SCNN1D: variants seen among roughly 807,000 people sequenced by gnomAD.
SCNN1D encodes epithelial sodium channel subunit delta.
A neutral mutation model predicts 87.8 loss-of-function variants in SCNN1D; 104 were observed. The ratio of observed to expected loss-of-function variants is 1.18; its 90% CI spans 1.01 to 1.39. The LOEUF (loss-of-function observed/expected upper bound fraction) is 1.39, where lower values mean the gene tolerates loss of function less well. Ranked by LOEUF, SCNN1D falls within the 40% of genes most tolerant of loss-of-function variation. SCNN1D has a pLI of 0.00. For synonymous variants in SCNN1D, 628 were observed against 481.2 expected, an observed-to-expected ratio of 1.31 and a Z score of -3.99; for missense variants, 1,324 against 1,093.9, an observed-to-expected ratio of 1.21 and a Z score of -2.97.
intron 9 of SCNN1D, 52 bp downstream of exon 9, chr1:1,287,351 G>T: frequency 6.6e-7 from 1 of 1,513,056 alleles, no homozygotes. Context: ...ACAGAGCGTG[G>T]CCGCACCCCT....
intron 5 of SCNN1D, among the ~76,000 whole-genome samples, chr1:1,285,197 C>T (rs984462681): frequency 6.6e-5 from 10 of 152,242 alleles, no homozygotes; most frequent in Non-Finnish European, 1.5e-4. Flanking sequence ...GCTCTAGCAC[C>T]TCCCCAGAGT....
rs1472400346 is a variant in SCNN1D at position 1,291,541 on chromosome 1, G to A, written c.2340G>A (p.Gly780=). ...ATCTCCCACGGGTGATGCTTCCAGG[G>A]GTTCTGGCGGGAGTCTCAGCCGAAG... ...GPHLPRVMLP[G]VLAGVSAEES... The change falls in exon 18 of 18, where the codon GGG becomes GGA. Residue 780 remains glycine (G), a synonymous_variant. Coordinates refer to ENST00000379116, the MANE Select transcript of SCNN1D (RefSeq NM_001130413.4). The A allele has an allele frequency of 2.5e-6, 4 of 1,597,216 alleles. No homozygotes were observed. The highest frequency in any genetic ancestry group is 2.2e-5 in the East Asian group (1 of 44,460).
At chr1:1,284,399 G>A (rs1034098340) in intron 5 of SCNN1D, among the ~76,000 whole-genome samples, 2 of 151,184 alleles carry the variant, frequency 1.3e-5, no homozygotes, top group African/African-American at 4.9e-5. Context: ...CCGATGCCTG[G>A]CCCCGTGTGC....
Position 1,290,086 on chromosome 1 carries a change from T to C in SCNN1D, c.1663-185T>C, listed in dbSNP as rs867104070. Among the ~76,000 whole-genome samples, 257 of 67,932 alleles carry C rather than the reference T, an allele frequency of 3.8e-3. 1 individual carries two copies. The highest frequency in any genetic ancestry group is 0.018 in the Middle Eastern group (2 of 114). The allele number at this position is 67,932 out of a possible 152,430, so 44.6% of individuals were successfully genotyped here. Reference sequence around the variant, plus strand: ...TCTCTGCTCCGTCCCGTGTCTCTGCTCCGTCCCGTGTCTCTGCTCCGTCCC... The same window carrying C: ...TCTCTGCTCCGTCCCGTGTCTCTGCCCCGTCCCGTGTCTCTGCTCCGTCCC... On this transcript the variant is annotated intron_variant, in intron 12 of 17. Coordinates refer to ENST00000379116, the MANE Select transcript of SCNN1D (RefSeq NM_001130413.4).
chr1:1,286,888 C>A lies in SCNN1D; in HGVS notation c.1032C>A (p.Arg344=). Residue 344 remains arginine, a synonymous_variant, in exon 8 of 18, where the codon CGC becomes CGA. Coordinates refer to ENST00000379116, the MANE Select transcript of SCNN1D (RefSeq NM_001130413.4). ...CCGCCCTCTCCGCCACTGTCCCCCG[C>A]CACGAGCCCCCCTTCCACCTGGACC... The part of the protein sequence containing the change: ...GRAALSATVP[R]HEPPFHLDRE... 1 of 1,612,622 alleles carries A rather than the reference C, an allele frequency of 6.2e-7. No homozygotes were observed. Among genetic ancestry groups the A allele is most frequent in the Non-Finnish European group, 8.5e-7 (1 of 1,179,902 alleles).
Position 1,285,674 on chromosome 1 carries a change from G to T in SCNN1D, c.558+10G>T, listed in dbSNP as rs548402146. The T allele has an allele frequency of 3.0e-3, 4,533 of 1,527,902 alleles. 139 individuals carry two copies. The African/African-American group carries it at 0.057, about 19-fold the overall frequency. The allele number at this position is 1,527,902 out of a possible 1,614,324, so 94.6% of individuals were successfully genotyped here. Reference sequence around the variant, plus strand: ...CTGCAAACAGGGCCAGGTAGGGCCTGAGCACCCTGTTCTCTGAGTCCTGCT... The same window carrying T: ...CTGCAAACAGGGCCAGGTAGGGCCTTAGCACCCTGTTCTCTGAGTCCTGCT... On this transcript the variant is annotated intron_variant, in intron 6 of 17. Transcript: ENST00000379116.
chr1:1,283,831 G>A (rs1268108846), intron 4 of SCNN1D, 147 bp from the exon 5 acceptor site: 5 of 448,576 alleles, frequency 1.1e-5, no homozygotes, highest in Non-Finnish European at 2.0e-5. Context: ...GCAGGGCTCA[G>A]GATGGGAAAG....
At position 1,291,363 on chromosome 1, in the gene SCNN1D, C is replaced by T. The variant is rs1393272597; in HGVS notation, c.2162C>T (p.Thr721Ile). 1 of 1,608,734 alleles carries T rather than the reference C, an allele frequency of 6.2e-7. No homozygotes were observed. Among genetic ancestry groups the T allele is most frequent in the Admixed American group, 1.7e-5 (1 of 59,582 alleles). The change falls in exon 18 of 18, where the codon ACC becomes ATC. Residue 721 changes from threonine to isoleucine, a missense_variant. By Grantham distance (89) the Thr-to-Ile change is moderately conservative. Coordinates refer to ENST00000379116, the MANE Select transcript of SCNN1D (RefSeq NM_001130413.4). ...CTGCTGCTCGATGCTTCTGCCCTCA[C>T]CCTGGTGCTAGGCGGCCGCCGGCTC... ...LELLLDASAL[T>I]LVLGGRRLRR...
chr1:1,286,166 C>A lies in SCNN1D; in HGVS notation c.799C>A (p.Leu267Met). The A allele has an allele frequency of 6.2e-7, 1 of 1,607,094 alleles. No individual in the cohort carries two copies. Among genetic ancestry groups the A allele is most frequent in the Non-Finnish European group, 8.5e-7 (1 of 1,179,008 alleles). The change falls in exon 7 of 18, where the codon CTG becomes ATG. Residue 267 changes from leucine to methionine, a missense_variant. By Grantham distance (15) the Leu-to-Met change is conservative (BLOSUM62 2). Transcript: ENST00000379116. ...LGALVALCWQ[L>M]GLLFERHWHR... is the part of the protein sequence containing the mutation. The stretch of plus-strand genomic sequence containing the variant: ...AGCCCTGGTCGCGCTCTGCTGGCAG[C>A]TGGGGCTCCTCTTTGAGCGTCACTG...
rs1640800403 is a variant in SCNN1D at position 1,291,149 on chromosome 1, T to C, written c.2052+9T>C. The C allele has an allele frequency of 6.2e-7, 1 of 1,610,726 alleles. No individual in the cohort carries two copies. Among genetic ancestry groups the C allele is most frequent in the Non-Finnish European group, 8.5e-7 (1 of 1,179,074 alleles). On this transcript the variant is annotated intron_variant, in intron 17 of 17. Transcript: ENST00000379116. The stretch of plus-strand genomic sequence containing the variant: ...AGGCGCCCGTGTACTCGGTGAGCCT[T>C]GGCCCCCTGCCTGGGCTAGAGCGGG...
chr1:1,281,656 G>A lies in SCNN1D; in HGVS notation c.277+46G>A, dbSNP rs548255847. On this transcript the variant is annotated intron_variant, in intron 3 of 17. Coordinates refer to ENST00000379116, the MANE Select transcript of SCNN1D (RefSeq NM_001130413.4). ...AGAGGCCTTGCCCGGGAGGAGGGGAGGGGGGTGGAGCCGGGAGCTGCGTGA... is the reference window on the plus strand; with the variant it reads ...AGAGGCCTTGCCCGGGAGGAGGGGAAGGGGGTGGAGCCGGGAGCTGCGTGA... The A allele has an allele frequency of 3.3e-6, 5 of 1,493,704 alleles. No individual in the cohort carries two copies. In the Admixed American group the frequency reaches 8.1e-5, roughly 24 times the overall value. 92.5% of individuals were successfully genotyped at this position (1,493,704 alleles called of 1,614,324 possible). A position where few individuals can be genotyped will look rare whatever the true frequency, so the allele number is the denominator to read the frequency against.
chr1:1,288,064 G>T, intron 12 of SCNN1D, 27 bp downstream of exon 12: 50 of 1,489,216 alleles, frequency 3.4e-5, no homozygotes, highest in South Asian at 9.0e-5. Context: ...AGGGGGTGCG[G>T]GGGCAGGTGA....
At chr1:1,283,156 G>C (rs1004968529) in intron 4 of SCNN1D, among the ~76,000 whole-genome samples, 11 of 152,192 alleles carry the variant, frequency 7.2e-5, no homozygotes, top group African/African-American at 2.7e-4. Context: ...GGTGTGGTTG[G>C]TGGCAGCTAT....
In SCNN1D at chr1:1,287,516, G is replaced by A. The variant is rs762804170; in HGVS notation, c.1319G>A (p.Arg440Gln). Residue 440 changes from arginine (R) to glutamine (Q), a missense_variant, in exon 10 of 18, where the codon CGG becomes CAG. Coordinates refer to ENST00000379116, the MANE Select transcript of SCNN1D (RefSeq NM_001130413.4). ...TTGGCTTCTCATTCCAGACAGTTCC[G>A]GACCTTCCACCACCCCACCTACGGC... ...DGLDCQARQFRTFHHPTYGSC... is the reference protein window; with the variant it reads ...DGLDCQARQFQTFHHPTYGSC... 7.2e-6 allele frequency: 11 copies of A among 1,527,810 alleles called. No individual in the cohort carries two copies. The highest frequency in any genetic ancestry group is 5.2e-5 in the South Asian group (4 of 77,618). 94.6% of individuals were successfully genotyped at this position (1,527,810 alleles called of 1,614,324 possible).
intron 3 of SCNN1D, chr1:1,281,993 G>T (rs769241391): frequency 2.3e-4 from 135 of 585,406 alleles, no homozygotes; most frequent in Non-Finnish European, 3.7e-4. Context: ...GGCCATGTGT[G>T]CCCTGTCTCC....
At chr1:1,283,844 T>C (rs1344414697) in intron 4 of SCNN1D, 134 bp from the exon 5 acceptor site, 9 of 472,384 alleles carry the variant, frequency 1.9e-5, no homozygotes, top group Non-Finnish European at 3.3e-5. Flanking sequence ...TGGGAAAGAT[T>C]TCACCTGCAG....
rs753006355 is a variant in SCNN1D, at chr1:1,281,270, G to A, written c.50G>A (p.Trp17Ter). 5.0e-5 allele frequency: 77 copies of A among 1,535,698 alleles called. 1 individual carries two copies. The South Asian group carries it at 8.8e-4, about 18-fold the overall frequency. The change falls in exon 2 of 18, where the codon TGG becomes TAG. Residue 17 changes from tryptophan to a stop codon, truncating the protein, a stop_gained. Transcript: ENST00000379116. LOFTEE classifies it high-confidence loss of function. ...QKTTPLPRYL[W>*]PGHLSGPRRL... Reference sequence around the variant, plus strand: ...ACAACACCGCTCCCTCGTTACCTGTGGCCCGGCCACCTCAGCGGCCCAAGG... The same window carrying A: ...ACAACACCGCTCCCTCGTTACCTGTAGCCCGGCCACCTCAGCGGCCCAAGG...
At chr1:1,289,335 TCC>T (rs746099000) in intron 12 of SCNN1D, among the ~76,000 whole-genome samples, 2 of 74 alleles carry the variant, frequency 0.027, 1 homozygote. Context: ...CCCTGCTCCG[TCC>T]CCCGTGTCTC....
intron 12 of SCNN1D, 145 bp downstream of exon 12, chr1:1,288,182 C>T (rs1046611741): frequency 1.6e-6 from 1 of 633,290 alleles, no homozygotes; most frequent in Non-Finnish European, 2.7e-6. Flanking sequence ...CACTCCATCC[C>T]CCGTGTCCCC....
Sources: gnomAD v4.1 joint callset for allele counts (sites outside exome capture counted in the v4.1 genomes callset) on GRCh38, gnomAD v4.1.1 for gene constraint, MANE v1.5 for transcripts, NCBI Gene and HGNC (gene_info 2026-07-23, HGNC 2026-07-21) for gene names.